NXN: variants seen among roughly 807,000 people sequenced by gnomAD.
The protein encoded by NXN is nucleoredoxin.
Under a neutral mutation model 48.6 loss-of-function variants are expected in NXN, and 16 were observed. The observed-to-expected ratio is 0.33, with a 90% CI of 0.22 to 0.50. The LOEUF is 0.50. Ranked by LOEUF, NXN falls within the 20% of genes least tolerant of loss-of-function variation. NXN has a pLI of 0.98. For missense variants in NXN, 492 were observed against 605.5 expected, an observed-to-expected ratio of 0.81 and a Z score of 1.97; for synonymous variants, 281 against 269.6, an observed-to-expected ratio of 1.04 and a Z score of -0.41.
chr17:927,923 G>T (rs1386773110), intron 1 of NXN, among the ~76,000 whole-genome samples: 7 of 151,982 alleles, frequency 4.6e-5, no homozygotes, highest in Non-Finnish European at 8.8e-5. Context: ...AACCCCAGCT[G>T]CTTGTGTTAA....
chr17:824,132 C>T (rs1912969911), intron 2 of NXN, among the ~76,000 whole-genome samples: 2 of 151,646 alleles, frequency 1.3e-5, no homozygotes, highest in African/African-American at 2.4e-5. Context: ...CTCCGCCTCC[C>T]GGGTTCACGC....
chr17:956,878 G>A lies in NXN; in HGVS notation c.360+22441C>T, dbSNP rs1042739677. Among the ~76,000 whole-genome samples, 8 of 152,192 alleles carry A rather than the reference G, an allele frequency of 5.3e-5. No individual in the cohort carries two copies. Among genetic ancestry groups the A allele is most frequent in the African/African-American group, 1.9e-4 (8 of 41,430 alleles). On this transcript the variant is annotated intron_variant, in intron 1 of 7. Transcript: ENST00000336868. The surrounding 1 kb of genome is among the most constrained non-coding windows in gnomAD (Gnocchi z 4.1). ...AGATGGATCAGAACCAGGTCATCCA[G>A]GAGAGAGGCTGGCCCCTCCGTTCTC...
At chr17:870,983 C>T (rs1242588508) in intron 1 of NXN, among the ~76,000 whole-genome samples, 7 of 151,942 alleles carry the variant, frequency 4.6e-5, no homozygotes, top group Admixed American at 2.0e-4. Flanking sequence ...CTCAGCCTCC[C>T]GAGTAGCTCG....
At position 956,838 on chromosome 17, in the gene NXN, G is replaced by C. The variant is rs2069176321; in HGVS notation, c.360+22481C>G. Among the ~76,000 whole-genome samples the C allele has an allele frequency of 6.6e-6, 1 of 152,170 alleles. No homozygotes were observed. The highest frequency in any genetic ancestry group is 2.4e-5 in the African/African-American group (1 of 41,452). Reference sequence around the variant, plus strand: ...AAAGTAACTTGCCCAAGATCTCAAAGCTGGAGAGCGGGAAAGATGGATCAG... The same window carrying C: ...AAAGTAACTTGCCCAAGATCTCAAACCTGGAGAGCGGGAAAGATGGATCAG... On this transcript the variant is annotated intron_variant, in intron 1 of 7. Coordinates refer to ENST00000336868, the MANE Select transcript of NXN (RefSeq NM_022463.5). This position sits in a 1 kb window ranked among gnomAD's most constrained non-coding sequence, Gnocchi z 4.1.
chr17:833,628 A>G (rs73289703), intron 1 of NXN, among the ~76,000 whole-genome samples: 16,427 of 152,160 alleles, frequency 0.11, 2,961 homozygotes, highest in African/African-American at 0.37. Flanking sequence ...AAAGGCACAT[A>G]CAGCAAAAAG....
chr17:898,021 C>T (rs964320079), intron 1 of NXN, among the ~76,000 whole-genome samples: 3 of 152,168 alleles, frequency 2.0e-5, no homozygotes, highest in African/African-American at 7.2e-5. Flanking sequence ...TTGTGCACTT[C>T]AAAGTTCTCC....
intron 1 of NXN, among the ~76,000 whole-genome samples, chr17:831,164 T>C (rs899817669): frequency 1.2e-4 from 19 of 152,084 alleles, no homozygotes; most frequent in Admixed American, 1.2e-3. Flanking sequence ...GACTTTTCAA[T>C]GTAGTTGCCC....
chr17:881,077 T>C (rs1011775380), intron 1 of NXN, among the ~76,000 whole-genome samples: 4 of 151,994 alleles, frequency 2.6e-5, no homozygotes, highest in African/African-American at 9.7e-5. Flanking sequence ...AGAAAGTAGA[T>C]AGGTGGACAG....
intron 1 of NXN, among the ~76,000 whole-genome samples, chr17:943,480 T>A (rs1311799038): frequency 6.6e-6 from 1 of 151,916 alleles, no homozygotes. Flanking sequence ...AGCCTTGAGA[T>A]CCCAAAAAAA....
intron 1 of NXN, among the ~76,000 whole-genome samples, chr17:850,248 C>G (rs555354679): frequency 1.3e-5 from 2 of 152,180 alleles, no homozygotes; most frequent in East Asian, 1.9e-4. Flanking sequence ...GTCTTCCCCA[C>G]GAGCCCCAGG....
At chr17:864,656 A>G (rs1390039711) in intron 1 of NXN, among the ~76,000 whole-genome samples, 4 of 152,208 alleles carry the variant, frequency 2.6e-5, no homozygotes, top group Non-Finnish European at 5.9e-5. Flanking sequence ...GCTTTTTACC[A>G]GACTCACCCT....
intron 1 of NXN, among the ~76,000 whole-genome samples, chr17:967,361 G>A (rs1277803721): frequency 1.3e-5 from 2 of 152,236 alleles, no homozygotes; most frequent in Non-Finnish European, 2.9e-5. Context: ...AGGCCAGGGC[G>A]CAGAGACAGG....
rs940513650 is a variant in NXN at position 849,213 on chromosome 17, TG to T, written c.361-23136del. ...CGCTCTCTCCTGGAAGTTCAGAAAG[TG>T]GATACAAAGACGGATTCACTAAGAC... On this transcript the variant is annotated intron_variant, in intron 1 of 7. Transcript: ENST00000336868. The surrounding 1 kb of genome is among the most constrained non-coding windows in gnomAD (Gnocchi z 4.2). Among the ~76,000 whole-genome samples the T allele has an allele frequency of 1.8e-4, 27 of 151,910 alleles. No homozygotes were observed. The highest frequency in any genetic ancestry group is 6.5e-4 in the African/African-American group (27 of 41,346).
intron 7 of NXN, among the ~76,000 whole-genome samples, 149 bp downstream of exon 7, chr17:803,523 ATGGCTACCTT>A (rs1242100750): frequency 6.6e-6 from 1 of 152,180 alleles, no homozygotes; most frequent in Non-Finnish European, 1.5e-5. Context: ...TCCATGGCGA[ATGGCTACCTT>A]TCCTTGCCAC....
At chr17:967,943 GC>G (rs2069326663) in intron 1 of NXN, among the ~76,000 whole-genome samples, 1 of 151,472 alleles carries the variant, frequency 6.6e-6, no homozygotes, top group South Asian at 2.1e-4. Context: ...CTGTACTCTA[GC>G]CCAGGCGACA....
Position 892,666 on chromosome 17 carries a change from C to T in NXN, c.361-66588G>A, listed in dbSNP as rs1039839704. On this transcript the variant is annotated intron_variant, in intron 1 of 7. Transcript: ENST00000336868. ...TGGGGTGTGTGGGGGGGTGCTGTTC[C>T]GCACATTGTAGAATGTTCATCGCTG... 5.9e-5 allele frequency among the ~76,000 whole-genome samples: 9 copies of T among 152,270 alleles called. No individual in the cohort carries two copies. The East Asian group carries it at 1.2e-3, about 20-fold the overall frequency.
intron 4 of NXN, among the ~76,000 whole-genome samples, chr17:819,881 T>A (rs1912725841): frequency 6.6e-6 from 1 of 152,190 alleles, no homozygotes; most frequent in Non-Finnish European, 1.5e-5. Context: ...AGCCACTGCA[T>A]ACCCGCGGGA....
intron 1 of NXN, among the ~76,000 whole-genome samples, chr17:841,856 G>C (rs1016839972): frequency 2.0e-5 from 3 of 152,204 alleles, no homozygotes; most frequent in African/African-American, 7.2e-5. Flanking sequence ...CCTGCTCTAG[G>C]TGGCGCACGG....
At chr17:861,822 G>A (rs577947136) in intron 1 of NXN, among the ~76,000 whole-genome samples, 1 of 151,366 alleles carries the variant, frequency 6.6e-6, no homozygotes, top group East Asian at 1.9e-4. Context: ...AACATGAGGG[G>A]CTCTTTTTTT....
Sources: allele counts gnomAD v4.1 joint callset (sites outside exome capture counted in the v4.1 genomes callset), GRCh38; gene constraint gnomAD v4.1.1; non-coding constraint Gnocchi (gnomAD v3.1); transcripts MANE v1.5; gene names NCBI Gene and HGNC (gene_info 2026-07-23, HGNC 2026-07-21).